The following SLC16A12 variants were observed in gnomAD, a reference collection of about 807,000 sequenced individuals.
SLC16A12 encodes solute carrier family 16 member 12.
SLC16A12 carries 17 observed loss-of-function variants against 42.4 expected under a neutral mutation model. That is an observed-to-expected ratio of 0.40 (90% CI 0.27 to 0.60). SLC16A12 has a LOEUF of 0.60. Ranked by LOEUF, SLC16A12 falls within the 20% of genes least tolerant of loss-of-function variation. The pLI is 0.42. For synonymous variants in SLC16A12, 224 were observed against 229.4 expected (o/e 0.98, Z 0.21); for missense variants, 544 against 623.0 (o/e 0.87, Z 1.35).
chr10:89,480,093 C>G (rs1252049269), intron 2 of SLC16A12, among the ~76,000 whole-genome samples: 1 of 152,108 alleles, frequency 6.6e-6, no homozygotes, highest in African/African-American at 2.4e-5. Flanking sequence ...AAAAAGAAAC[C>G]CACATTCCTC....
rs1841706467 is a variant in SLC16A12, at chr10:89,432,325, A to G, written c.*739T>C. On this transcript the variant is annotated 3_prime_UTR_variant, in exon 8 of 8. Transcript: ENST00000371790. ...GCCTGGAACCCAGTCTTAGGAAAAG[A>G]GCTTTCGGTTTCCAGTGGACAATTT... The G allele has an allele frequency of 6.6e-6, 1 of 152,200 alleles. No individual in the cohort carries two copies. Among genetic ancestry groups the G allele is most frequent in the African/African-American group, 2.4e-5 (1 of 41,444 alleles). 9.4% of individuals were successfully genotyped at this position (152,200 alleles called of 1,614,324 possible).
chr10:89,550,409 C>T (rs1182470248), intron 2 of SLC16A12, among the ~76,000 whole-genome samples: 1 of 152,120 alleles, frequency 6.6e-6, no homozygotes, highest in African/African-American at 2.4e-5. Flanking sequence ...ATCCCAGCTA[C>T]TTGGGAGGCT....
intron 2 of SLC16A12, among the ~76,000 whole-genome samples, chr10:89,497,644 C>A (rs910193414): frequency 6.6e-6 from 1 of 152,108 alleles, no homozygotes; most frequent in African/African-American, 2.4e-5. Context: ...ACTCAAGTCT[C>A]CTGACTTCCA....
At chr10:89,475,957 T>C (rs1365785065) in intron 2 of SLC16A12, among the ~76,000 whole-genome samples, 2 of 152,176 alleles carry the variant, frequency 1.3e-5, no homozygotes, top group African/African-American at 4.8e-5. Flanking sequence ...AAATGCTTAC[T>C]TCTGAGTGGT....
intron 2 of SLC16A12, 142 bp from the exon 3 acceptor site, chr10:89,462,766 T>C: frequency 1.1e-6 from 1 of 914,446 alleles, no homozygotes; most frequent in Non-Finnish European, 1.6e-6. Context: ...GGCAGACTAT[T>C]TGTTGTCCTT....
chr10:89,479,157 C>T (rs571896927), intron 2 of SLC16A12, among the ~76,000 whole-genome samples: 3 of 152,336 alleles, frequency 2.0e-5, no homozygotes, highest in South Asian at 2.1e-4. Flanking sequence ...GGGACAAAGA[C>T]CTCCTTTTCC....
At chr10:89,514,936 C>CA (rs1843223182) in intron 2 of SLC16A12, among the ~76,000 whole-genome samples, 1 of 151,914 alleles carries the variant, frequency 6.6e-6, no homozygotes, top group Non-Finnish European at 1.5e-5. Context: ...ACTAAAAATA[C>CA]AAAAAATTAG....
intron 2 of SLC16A12, among the ~76,000 whole-genome samples, chr10:89,505,794 G>C (rs991172087): frequency 6.6e-6 from 1 of 152,214 alleles, no homozygotes; most frequent in African/African-American, 2.4e-5. Flanking sequence ...GGCTCAGCAG[G>C]TTCCACGCCC....
chr10:89,500,232 T>A (rs568063877), intron 2 of SLC16A12, among the ~76,000 whole-genome samples: 9 of 152,128 alleles, frequency 5.9e-5, no homozygotes, highest in African/African-American at 2.2e-4. Flanking sequence ...TTGGTACCAA[T>A]CCTGTTGACA....
chr10:89,479,306 C>CT (rs199616415), intron 2 of SLC16A12, among the ~76,000 whole-genome samples: 240 of 147,468 alleles, frequency 1.6e-3, no homozygotes, highest in African/African-American at 4.2e-3. Context: ...CACTCTTTCT[C>CT]TTTTTTTTTT....
intron 2 of SLC16A12, among the ~76,000 whole-genome samples, chr10:89,472,138 T>C (rs913219636): frequency 6.6e-5 from 10 of 152,210 alleles, no homozygotes; most frequent in Non-Finnish European, 2.9e-5. Context: ...AATTGAAATT[T>C]ATTATTTTTT....
At chr10:89,548,543 A>G (rs1209336478) in intron 2 of SLC16A12, among the ~76,000 whole-genome samples, 10 of 152,226 alleles carry the variant, frequency 6.6e-5, no homozygotes, top group African/African-American at 2.4e-4. Context: ...GCGACTGGGC[A>G]GAGTGGCTCA....
At chr10:89,554,046 AAG>A (rs1437388455) in intron 2 of SLC16A12, among the ~76,000 whole-genome samples, 20 of 55,944 alleles carry the variant, frequency 3.6e-4, no homozygotes, top group Middle Eastern at 6.3e-3. Flanking sequence ...GAAAGAAAGA[AAG>A]AAAGAAAGAA....
intron 2 of SLC16A12, among the ~76,000 whole-genome samples, chr10:89,546,001 A>G (rs2133887424): frequency 6.6e-6 from 1 of 152,310 alleles, no homozygotes; most frequent in Admixed American, 6.5e-5. Context: ...CAGAAAACTG[A>G]AACTGGACCC....
At position 89,523,773 on chromosome 10, in the gene SLC16A12, G is replaced by A. The variant is rs114593451; in HGVS notation, c.-47+10728C>T. ...TTCACAGTGCAGACACACTACACAGGCATATAAATGACCCCATCCAAAGTT... is the reference window on the plus strand; with the variant it reads ...TTCACAGTGCAGACACACTACACAGACATATAAATGACCCCATCCAAAGTT... On this transcript the variant is annotated intron_variant, in intron 2 of 7. Coordinates refer to ENST00000371790, the MANE Select transcript of SLC16A12 (RefSeq NM_213606.4). 7.9e-3 allele frequency among the ~76,000 whole-genome samples: 1,200 copies of A among 152,248 alleles called. 15 individuals are homozygous for A. Among genetic ancestry groups the A allele is most frequent in the African/African-American group, 0.026 (1,095 of 41,524 alleles).
At chr10:89,541,065 G>C (rs911550551) in intron 2 of SLC16A12, among the ~76,000 whole-genome samples, 1 of 151,700 alleles carries the variant, frequency 6.6e-6, no homozygotes, top group South Asian at 2.1e-4. Context: ...GGGACTATAG[G>C]TGCCCACCAC....
intron 2 of SLC16A12, among the ~76,000 whole-genome samples, chr10:89,499,601 A>G (rs1564590657): frequency 6.6e-6 from 1 of 152,190 alleles, no homozygotes; most frequent in Non-Finnish European, 1.5e-5. Flanking sequence ...TTTGAACTGA[A>G]TGACAATAGT....
In SLC16A12 at chr10:89,530,648, C is replaced by T. The variant is rs570640248; in HGVS notation, c.-47+3853G>A. On this transcript the variant is annotated intron_variant, in intron 2 of 7. Coordinates refer to ENST00000371790, the MANE Select transcript of SLC16A12 (RefSeq NM_213606.4). The stretch of plus-strand genomic sequence containing the variant: ...GTTAGCCAGGATGCTCTCGATCTCC[C>T]GACCTTGTGATTTGCCCGCCCCGGC... Among the ~76,000 whole-genome samples the T allele has an allele frequency of 3.6e-4, 55 of 152,090 alleles. 2 individuals carry two copies. The highest frequency in any genetic ancestry group is 1.2e-3 in the African/African-American group (48 of 41,498).
intron 2 of SLC16A12, among the ~76,000 whole-genome samples, chr10:89,530,640 C>T (rs1473010057): frequency 1.3e-5 from 2 of 152,024 alleles, no homozygotes; most frequent in Admixed American, 6.6e-5. Context: ...AGGATGCTCT[C>T]GATCTCCCGA....
Sources: gnomAD v4.1 joint callset for allele counts (sites outside exome capture counted in the v4.1 genomes callset) on GRCh38, gnomAD v4.1.1 for gene constraint, MANE v1.5 for transcripts, NCBI Gene and HGNC (gene_info 2026-07-23, HGNC 2026-07-21) for gene names.